Variants in SLC9A8 observed in about 807,000 individuals in gnomAD.
SLC9A8 encodes sodium/hydrogen exchanger 8.
A neutral mutation model predicts 66.6 loss-of-function variants in SLC9A8; 48 were observed. The observed-to-expected ratio is 0.72, with a 90% CI of 0.57 to 0.92. The LOEUF is 0.92. SLC9A8 is among the 40% of genes least tolerant of loss of function. The pLI is 0.00. For synonymous variants in SLC9A8, 274 were observed against 282.6 expected (o/e 0.97, Z 0.31); for missense variants, 599 against 747.3 (o/e 0.80, Z 2.31).
Position 49,864,857 on chromosome 20 carries a change from G to C in SLC9A8, c.958+13G>C. On this transcript the variant is annotated intron_variant, in intron 10 of 15. Transcript: ENST00000361573. Reference sequence around the variant, plus strand: ...ATCTCACTCTCAGGTAAGTGACAGAGAGCCTGAAAGTGCTGTGGTGATGGC... The same window carrying C: ...ATCTCACTCTCAGGTAAGTGACAGACAGCCTGAAAGTGCTGTGGTGATGGC... 3 of 1,528,678 alleles carry C rather than the reference G, an allele frequency of 2.0e-6. No individual in the cohort carries two copies. Among genetic ancestry groups the C allele is most frequent in the East Asian group, 2.2e-5 (1 of 44,522 alleles). The allele number at this position is 1,528,678 out of a possible 1,614,324, so 94.7% of individuals were successfully genotyped here.
intron 4 of SLC9A8, among the ~76,000 whole-genome samples, chr20:49,843,902 C>G (rs1363594047): frequency 6.6e-6 from 1 of 152,070 alleles, no homozygotes; most frequent in Non-Finnish European, 1.5e-5. Flanking sequence ...AGTTGTTGCT[C>G]TGTTCGTTCC....
chr20:49,864,229 T>C (rs1425851074), intron 9 of SLC9A8, among the ~76,000 whole-genome samples: 1 of 152,204 alleles, frequency 6.6e-6, no homozygotes, highest in Non-Finnish European at 1.5e-5. Context: ...ATACTGTGCT[T>C]CAACAGGGCC....
intron 3 of SLC9A8, among the ~76,000 whole-genome samples, chr20:49,832,910 C>A (rs907638843): frequency 5.9e-5 from 9 of 151,704 alleles, no homozygotes; most frequent in Non-Finnish European, 1.0e-4. Flanking sequence ...GAAATCCTTT[C>A]CTTTTTTTTT....
chr20:49,889,534 A>G lies in SLC9A8; in HGVS notation c.*1598A>G, dbSNP rs1218664420. 2.0e-5 allele frequency: 3 copies of G among 152,244 alleles called. No homozygotes were observed. Among genetic ancestry groups the G allele is most frequent in the South Asian group, 2.1e-4 (1 of 4,828 alleles). 9.4% of individuals were successfully genotyped at this position (152,244 alleles called of 1,614,324 possible). A position where few individuals can be genotyped will look rare whatever the true frequency, so the allele number is the denominator to read the frequency against. On this transcript the variant is annotated 3_prime_UTR_variant, in exon 16 of 16. Transcript: ENST00000361573. ...GGAATGAGAGGCCAGGCCCGATCCT[A>G]CCACCTCGCCTTGACCCTGAAGTCA...
chr20:49,886,978 G>A lies in SLC9A8; in HGVS notation c.1638+80G>A, dbSNP rs2089915723. 21 of 1,487,710 alleles carry A rather than the reference G, an allele frequency of 1.4e-5. 1 individual carries two copies. The South Asian group carries it at 2.1e-4, about 15-fold the overall frequency. The allele number at this position is 1,487,710 out of a possible 1,614,324, so 92.2% of individuals were successfully genotyped here. A position where few individuals can be genotyped will look rare whatever the true frequency, so the allele number is the denominator to read the frequency against. On this transcript the variant is annotated intron_variant, in intron 15 of 15. Coordinates refer to ENST00000361573, the MANE Select transcript of SLC9A8 (RefSeq NM_015266.3). This position sits in a 1 kb window ranked among gnomAD's most constrained non-coding sequence, Gnocchi z 4.8. ...GACCTGCGGTGGCCCAGGGTGGGGTGGAGGAAGAGTGGGGAGGCAGGAAAG... is the reference window on the plus strand; with the variant it reads ...GACCTGCGGTGGCCCAGGGTGGGGTAGAGGAAGAGTGGGGAGGCAGGAAAG...
At chr20:49,834,065 A>G (rs1448009050) in intron 3 of SLC9A8, among the ~76,000 whole-genome samples, 1 of 150,750 alleles carries the variant, frequency 6.6e-6, no homozygotes, top group Non-Finnish European at 1.5e-5. Context: ...CTTGGCCAAC[A>G]TGGTGAAACT....
intron 14 of SLC9A8, 109 bp downstream of exon 14, chr20:49,884,175 G>T: frequency 1.3e-6 from 1 of 749,342 alleles, no homozygotes; most frequent in Non-Finnish European, 2.2e-6. Context: ...TTGCTTTGAG[G>T]ATGCCCAGCA....
At chr20:49,848,808 T>C (rs1210256774) in intron 5 of SLC9A8, among the ~76,000 whole-genome samples, 1 of 152,200 alleles carries the variant, frequency 6.6e-6, no homozygotes, top group Non-Finnish European at 1.5e-5. Context: ...GGTATCCTAA[T>C]AGTGTGGACT....
chr20:49,832,577 C>A (rs552371929), intron 3 of SLC9A8, among the ~76,000 whole-genome samples: 5 of 152,358 alleles, frequency 3.3e-5, no homozygotes, highest in Admixed American at 6.5e-5. Flanking sequence ...GGCAGCCACA[C>A]TGGGGCAGGG....
Position 49,855,443 on chromosome 20 carries a change from C to T in SLC9A8, c.575C>T (p.Ala192Val), listed in dbSNP as rs778663144. Residue 192 changes from alanine (A) to valine (V), a missense_variant, in exon 8 of 16, where the codon GCG (alanine) becomes GTG (valine). By Grantham distance (64) the Ala-to-Val change is moderately conservative. This residue lies in a region of SLC9A8 where 467 missense variants were observed against 626.5 expected (regional missense o/e 0.75). Coordinates refer to ENST00000361573, the MANE Select transcript of SLC9A8 (RefSeq NM_015266.3). ...CTTCCCTCTGTCTCTTACAGTTTTG[C>T]GTTTGGCTCCCTAATATCTGCTGTC... The part of the protein sequence containing the change: ...ISKLNMTDSF[A>V]FGSLISAVDP... The T allele has an allele frequency of 5.0e-6, 8 of 1,613,960 alleles. No homozygotes were observed. Among genetic ancestry groups the T allele is most frequent in the Admixed American group, 1.7e-5 (1 of 59,996 alleles).
chr20:49,828,637 GA>G (rs1261985243), intron 3 of SLC9A8, among the ~76,000 whole-genome samples: 1 of 150,692 alleles, frequency 6.6e-6, no homozygotes, highest in Non-Finnish European at 1.5e-5. Context: ...TCAGGAGTTT[GA>G]AACCAGCCTG....
chr20:49,821,514 T>C lies in SLC9A8; in HGVS notation c.209-1547T>C, dbSNP rs190107722. ...CAAAATGTCTACATTTACAACACTC[T>C]GGCCACCTGGTGTTTTTTGGTGGGA... is the stretch of plus-strand genomic sequence containing the variant. On this transcript the variant is annotated intron_variant, in intron 2 of 15. Transcript: ENST00000361573. Among the ~76,000 whole-genome samples, 102 of 152,342 alleles carry C rather than the reference T, an allele frequency of 6.7e-4. No homozygotes were observed. In the East Asian group the frequency reaches 0.015, roughly 22 times the overall value.
chr20:49,841,770 T>A (rs930237544), intron 4 of SLC9A8, among the ~76,000 whole-genome samples: 1 of 151,798 alleles, frequency 6.6e-6, no homozygotes, highest in East Asian at 1.9e-4. Flanking sequence ...AATTTTTGTA[T>A]TTTTAGTAGA....
rs6125779 is a variant in SLC9A8 at position 49,831,402 on chromosome 20, A to T, written c.290-8139A>T. Among the ~76,000 whole-genome samples, 459 of 142,832 alleles carry T rather than the reference A, an allele frequency of 3.2e-3. 4 individuals are homozygous for T. The highest frequency in any genetic ancestry group is 0.024 in the South Asian group (107 of 4,450). The allele number at this position is 142,832 out of a possible 152,430, so 93.7% of individuals were successfully genotyped here. A position where few individuals can be genotyped will look rare whatever the true frequency, so the allele number is the denominator to read the frequency against. Reference sequence around the variant, plus strand: ...TGTGTACACACACAAACACACACACACTCTCTCTCTCTCTCTCTCTCTCTC... The same window carrying T: ...TGTGTACACACACAAACACACACACTCTCTCTCTCTCTCTCTCTCTCTCTC... On this transcript the variant is annotated intron_variant, in intron 3 of 15. Transcript: ENST00000361573.
chr20:49,879,942 T>C (rs2089566122), intron 12 of SLC9A8, among the ~76,000 whole-genome samples: 1 of 151,988 alleles, frequency 6.6e-6, no homozygotes, highest in African/African-American at 2.4e-5. Context: ...AAGTAATAAA[T>C]GTCCTAAGAA....
rs1011718854 is a variant in SLC9A8, at chr20:49,855,691, G to C, written c.713+110G>C. On this transcript the variant is annotated intron_variant, in intron 8 of 15. Coordinates refer to ENST00000361573, the MANE Select transcript of SLC9A8 (RefSeq NM_015266.3). ...CATGTGTACAGTTGCTTGTCCTCTG[G>C]GTGATCAGTTCACCCACTCTCTTTC... is the stretch of plus-strand genomic sequence containing the variant. 8 of 1,021,148 alleles carry C rather than the reference G, an allele frequency of 7.8e-6. No homozygotes were observed. The African/African-American group carries it at 1.3e-4, about 16-fold the overall frequency. The allele number at this position is 1,021,148 out of a possible 1,614,324, so 63.3% of individuals were successfully genotyped here.
chr20:49,878,866 A>T (rs2089526217), intron 12 of SLC9A8, among the ~76,000 whole-genome samples: 1 of 152,100 alleles, frequency 6.6e-6, no homozygotes, highest in Non-Finnish European at 1.5e-5. Context: ...AAAAATACAA[A>T]ATTAGCCGGG....
chr20:49,882,306 G>A (rs2089655241), intron 13 of SLC9A8, among the ~76,000 whole-genome samples: 1 of 152,168 alleles, frequency 6.6e-6, no homozygotes, highest in African/African-American at 2.4e-5. Context: ...GTGACCTCCC[G>A]CAGCCAGACC....
At chr20:49,847,007 AT>A (rs1228180622) in intron 5 of SLC9A8, among the ~76,000 whole-genome samples, 1 of 152,188 alleles carries the variant, frequency 6.6e-6, no homozygotes, top group Non-Finnish European at 1.5e-5. Context: ...AATGAGTTAG[AT>A]TTGTCTAGAA....
Sources: gnomAD v4.1 joint callset for allele counts (sites outside exome capture counted in the v4.1 genomes callset) on GRCh38, gnomAD v4.1.1 for gene constraint, gnomAD v4.1.1 regional missense constraint, Gnocchi (gnomAD v3.1) non-coding constraint, MANE v1.5 for transcripts, NCBI Gene and HGNC (gene_info 2026-07-23, HGNC 2026-07-21) for gene names.